Variants in ARHGEF3 observed in about 807,000 individuals in gnomAD.
The protein encoded by ARHGEF3 is Rho guanine nucleotide exchange factor 3, also known as 59.8 kDA protein.
Under a neutral mutation model 63.2 loss-of-function variants are expected in ARHGEF3, and 28 were observed. That is an observed-to-expected ratio of 0.44 (90% CI 0.33 to 0.61). The LOEUF (loss-of-function observed/expected upper bound fraction) is 0.61. Ranked by LOEUF, ARHGEF3 falls within the 20% of genes least tolerant of loss-of-function variation. ARHGEF3 has a pLI of 0.03. For missense variants in ARHGEF3, 533 were observed against 659.3 expected, an observed-to-expected ratio of 0.81 and a Z score of 2.10; for synonymous variants, 266 against 254.2, an observed-to-expected ratio of 1.05 and a Z score of -0.44.
intron 3 of ARHGEF3, among the ~76,000 whole-genome samples, chr3:56,946,460 A>G (rs1030932835): frequency 1.3e-5 from 2 of 152,240 alleles, no homozygotes; most frequent in Non-Finnish European, 2.9e-5. Flanking sequence ...AAACAAAGGC[A>G]TGAGAACTAC....
At chr3:56,891,141 G>A (rs1240935224) in intron 3 of ARHGEF3, among the ~76,000 whole-genome samples, 2 of 147,518 alleles carry the variant, frequency 1.4e-5, no homozygotes, top group Non-Finnish European at 3.0e-5. Flanking sequence ...AAGTGAATGA[G>A]AGAATTGAAA....
intron 4 of ARHGEF3, among the ~76,000 whole-genome samples, chr3:56,850,853 C>T (rs1269609716): frequency 1.3e-5 from 2 of 152,130 alleles, no homozygotes; most frequent in African/African-American, 4.8e-5. Flanking sequence ...AAAATATTAA[C>T]TAATCTAATC....
At chr3:56,890,124 A>T (rs1038581415) in intron 3 of ARHGEF3, among the ~76,000 whole-genome samples, 6 of 152,210 alleles carry the variant, frequency 3.9e-5, no homozygotes, top group Non-Finnish European at 5.9e-5. Flanking sequence ...AAAACAATAT[A>T]AAAAGACCCA....
intron 2 of ARHGEF3, among the ~76,000 whole-genome samples, chr3:56,993,978 C>T (rs899560625): frequency 3.7e-4 from 53 of 144,604 alleles, no homozygotes; most frequent in African/African-American, 1.2e-3. Flanking sequence ...GCAGGAGAAA[C>T]GCTTGAACCC....
chr3:56,827,781 GA>G (rs71072198), intron 4 of ARHGEF3, among the ~76,000 whole-genome samples: 1 of 113,662 alleles, frequency 8.8e-6, no homozygotes, highest in Admixed American at 1.0e-4. Flanking sequence ...AAACAGAAAA[GA>G]AAAAAAAAAG....
chr3:56,894,010 C>T (rs1180034166), intron 3 of ARHGEF3, among the ~76,000 whole-genome samples: 1 of 152,070 alleles, frequency 6.6e-6, no homozygotes. Flanking sequence ...GTAGCAGATA[C>T]AGCCGGCTGA....
At chr3:56,906,675 A>G (rs1578811537) in intron 3 of ARHGEF3, among the ~76,000 whole-genome samples, 2 of 152,124 alleles carry the variant, frequency 1.3e-5, no homozygotes, top group Admixed American at 6.5e-5. Flanking sequence ...GTTTCTACTA[A>G]AAATACAAAA....
At chr3:56,766,925 G>A (rs2035733699) in intron 2 of ARHGEF3, among the ~76,000 whole-genome samples, 1 of 152,154 alleles carries the variant, frequency 6.6e-6, no homozygotes, top group Admixed American at 6.5e-5. Context: ...TATCTATAAT[G>A]ATGAAAAAAC....
At chr3:56,914,127 G>C (rs533850753) in intron 3 of ARHGEF3, among the ~76,000 whole-genome samples, 141 of 152,332 alleles carry the variant, frequency 9.3e-4, no homozygotes, top group Admixed American at 2.4e-3. Context: ...GACTTGAGGG[G>C]AAGGGTGAGA....
chr3:57,005,431 A>C (rs539279950), intron 2 of ARHGEF3, among the ~76,000 whole-genome samples: 1 of 152,298 alleles, frequency 6.6e-6, no homozygotes, highest in Non-Finnish European at 1.5e-5. Flanking sequence ...AACCCATCTC[A>C]GTGCCACCTG....
At chr3:56,882,224 T>G in intron 4 of ARHGEF3, 2 of 1,460,476 alleles carry the variant, frequency 1.4e-6, no homozygotes, top group Non-Finnish European at 1.9e-6. Flanking sequence ...CAGCATATTA[T>G]TAACAAATAA....
At chr3:56,747,438 T>G (rs931411363) in intron 6 of ARHGEF3, among the ~76,000 whole-genome samples, 4 of 152,172 alleles carry the variant, frequency 2.6e-5, no homozygotes, top group Admixed American at 2.6e-4. Context: ...AGTCACCGGC[T>G]AGGAGAGGCC....
chr3:57,017,005 G>GTCTCTCTGTCTCTCTC (rs1703036805), intron 2 of ARHGEF3, among the ~76,000 whole-genome samples: 1 of 129,058 alleles, frequency 7.7e-6, no homozygotes, highest in African/African-American at 3.3e-5. Flanking sequence ...CTTTCTCTCT[G>GTCTCTCTGTCTCTCTC]TCTCTCTCTC....
intron 1 of ARHGEF3, among the ~76,000 whole-genome samples, chr3:57,056,525 G>A (rs1704945840): frequency 1.3e-5 from 2 of 152,122 alleles, no homozygotes; most frequent in South Asian, 4.2e-4. Flanking sequence ...TGGACAGGAG[G>A]ACCAGCAGAC....
At chr3:57,027,682 C>G (rs1454387312) in intron 2 of ARHGEF3, among the ~76,000 whole-genome samples, 1 of 152,018 alleles carries the variant, frequency 6.6e-6, no homozygotes, top group African/African-American at 2.4e-5. Flanking sequence ...TGGTGAAACC[C>G]TTTTTCTACT....
At chr3:56,994,125 A>G (rs2106969932) in intron 2 of ARHGEF3, among the ~76,000 whole-genome samples, 1 of 149,660 alleles carries the variant, frequency 6.7e-6, no homozygotes, top group South Asian at 2.1e-4. Context: ...AACGTGTGTT[A>G]TTTTCATAGT....
chr3:56,990,789 C>T (rs1036262165), intron 2 of ARHGEF3, among the ~76,000 whole-genome samples: 7 of 152,116 alleles, frequency 4.6e-5, no homozygotes, highest in African/African-American at 1.7e-4. Context: ...TAAGGGTCAC[C>T]CAGCTCATGA....
chr3:56,940,475 A>T (rs561108533), intron 3 of ARHGEF3: 1 of 152,342 alleles, frequency 6.6e-6, no homozygotes, highest in East Asian at 1.9e-4. Context: ...CAGACCTCAC[A>T]TATGGCCAGA....
intron 4 of ARHGEF3, among the ~76,000 whole-genome samples, chr3:56,856,480 C>T (rs184087523): frequency 2.2e-3 from 336 of 152,020 alleles, no homozygotes; most frequent in African/African-American, 7.5e-3. Context: ...TTTATTACAC[C>T]GGTAATTCAT....
Sources: gnomAD v4.1 joint callset for allele counts (sites outside exome capture counted in the v4.1 genomes callset) on GRCh38, gnomAD v4.1.1 for gene constraint, MANE v1.5 for transcripts, NCBI Gene and HGNC (gene_info 2026-07-23, HGNC 2026-07-21) for gene names.